TMOD2: variants seen among roughly 807,000 people sequenced by gnomAD.
TMOD2 encodes the protein tropomodulin-2.
In TMOD2, 22 loss-of-function variants were observed where a neutral mutation model predicts 39.9. That is an observed-to-expected ratio of 0.55 (90% CI 0.39 to 0.79). The LOEUF is 0.79. Among genes scored for constraint, TMOD2 ranks in the 30% least tolerant of loss-of-function variants. The probability of loss-of-function intolerance (pLI) is 0.00; values close to 1 mark genes in which losing one functional copy is unlikely to be tolerated. For missense variants in TMOD2, 386 were observed against 413.3 expected, an observed-to-expected ratio of 0.93 and a Z score of 0.57; for synonymous variants, 123 against 146.1, an observed-to-expected ratio of 0.84 and a Z score of 1.14.
intron 7 of TMOD2, among the ~76,000 whole-genome samples, chr15:51,793,501 A>G (rs1161208142): frequency 1.3e-5 from 2 of 152,206 alleles, no homozygotes; most frequent in Admixed American, 1.3e-4. Flanking sequence ...AGAAATTTGC[A>G]TTTCCATACA....
intron 9 of TMOD2, among the ~76,000 whole-genome samples, chr15:51,806,851 G>A (rs1026018114): frequency 4.6e-5 from 7 of 152,176 alleles, no homozygotes; most frequent in African/African-American, 1.7e-4. Context: ...ATGGGCACAA[G>A]GACACTGAGA....
chr15:51,791,887 T>C (rs2056014810), intron 7 of TMOD2, among the ~76,000 whole-genome samples: 1 of 152,186 alleles, frequency 6.6e-6, no homozygotes, highest in Non-Finnish European at 1.5e-5. Context: ...ATGTAAGACC[T>C]AGGACCACAA....
chr15:51,757,605 C>T (rs971807226), intron 1 of TMOD2, among the ~76,000 whole-genome samples: 11 of 152,138 alleles, frequency 7.2e-5, no homozygotes, highest in African/African-American at 2.7e-4. Flanking sequence ...TGCTTCACTC[C>T]AGCATGTACA....
chr15:51,798,158 T>G, intron 7 of TMOD2, 39 bp from the exon 8 acceptor site: 1 of 1,546,622 alleles, frequency 6.5e-7, no homozygotes, highest in Non-Finnish European at 8.7e-7. Context: ...TTAGAAATTC[T>G]AACTTAATTC....
chr15:51,777,546 T>C (rs1045863999), intron 5 of TMOD2, among the ~76,000 whole-genome samples: 2 of 152,202 alleles, frequency 1.3e-5, no homozygotes, highest in African/African-American at 4.8e-5. Context: ...CACCACTATC[T>C]TCTATGTCAA....
intron 7 of TMOD2, chr15:51,784,827 A>G (rs941501547): frequency 2.6e-5 from 4 of 152,204 alleles, no homozygotes. Flanking sequence ...TAAAGAAATG[A>G]TTTGTCACTT....
In TMOD2 at chr15:51,810,037, C is replaced by G. The variant is rs1409698538; in HGVS notation, c.*1583C>G. On this transcript the variant is annotated 3_prime_UTR_variant, in exon 10 of 10. Coordinates refer to ENST00000249700, the MANE Select transcript of TMOD2 (RefSeq NM_014548.4). ...AAATTTTTTTAATGTTTGAGAACAC[C>G]ATAAGCAGAATATTCTAACACCTTT... is the stretch of plus-strand genomic sequence containing the variant. 1 of 151,972 alleles carries G rather than the reference C, an allele frequency of 6.6e-6. No homozygotes were observed. The highest frequency in any genetic ancestry group is 1.5e-5 in the Non-Finnish European group (1 of 68,016). The allele number at this position is 151,972 out of a possible 1,614,324, so 9.4% of individuals were successfully genotyped here. A position where few individuals can be genotyped will look rare whatever the true frequency, so the allele number is the denominator to read the frequency against.
intron 3 of TMOD2, among the ~76,000 whole-genome samples, chr15:51,773,409 G>T (rs987526459): frequency 4.6e-5 from 7 of 152,210 alleles, no homozygotes; most frequent in Non-Finnish European, 8.8e-5. Context: ...GGCCTCTCCT[G>T]CCCAGACCCA....
chr15:51,784,305 C>A (rs958473961), intron 7 of TMOD2: 1 of 152,196 alleles, frequency 6.6e-6, no homozygotes, highest in African/African-American at 2.4e-5. Context: ...ATGCTCAGCC[C>A]TTGAATCGAG....
Position 51,781,167 on chromosome 15 carries a change from A to G in TMOD2, c.617A>G (p.Asn206Ser), listed in dbSNP as rs781752761. The G allele has an allele frequency of 3.1e-6, 5 of 1,602,652 alleles. No individual in the cohort carries two copies. Among genetic ancestry groups the G allele is most frequent in the Non-Finnish European group, 4.2e-6 (5 of 1,177,076 alleles). ...AGCTTGCAAGAAGTCAACCTCAACA[A>G]CATTAAGGTATTTCATTGTGATTAT... ...DPSLQEVNLN[N>S]IKNIPIPTLR... is the part of the protein sequence containing the mutation. Residue 206 changes from asparagine to serine, a missense_variant, in exon 6 of 10, where the codon AAC becomes AGC. Asn to Ser is a conservative substitution (Grantham distance 46). Coordinates refer to ENST00000249700, the MANE Select transcript of TMOD2 (RefSeq NM_014548.4).
chr15:51,793,576 C>T (rs1444859788), intron 7 of TMOD2, among the ~76,000 whole-genome samples: 2 of 152,210 alleles, frequency 1.3e-5, no homozygotes, highest in Non-Finnish European at 2.9e-5. Context: ...ACTTCAATTA[C>T]ATTTAAAACA....
In TMOD2 at chr15:51,809,001, C is replaced by G. The variant is rs1192735473; in HGVS notation, c.*547C>G. On this transcript the variant is annotated 3_prime_UTR_variant, in exon 10 of 10. Coordinates refer to ENST00000249700, the MANE Select transcript of TMOD2 (RefSeq NM_014548.4). ...AGAAAAATCAGTAAATGCACATGCCCTGTTGATTGGAGATCAGTAGTGTCA... is the reference window on the plus strand; with the variant it reads ...AGAAAAATCAGTAAATGCACATGCCGTGTTGATTGGAGATCAGTAGTGTCA... The G allele has an allele frequency of 6.6e-6, 1 of 152,640 alleles. No homozygotes were observed. Among genetic ancestry groups the G allele is most frequent in the Non-Finnish European group, 1.5e-5 (1 of 68,122 alleles). 9.5% of individuals were successfully genotyped at this position (152,640 alleles called of 1,614,324 possible). A position where few individuals can be genotyped will look rare whatever the true frequency, so the allele number is the denominator to read the frequency against.
Position 51,815,977 on chromosome 15 carries a change from G to A in TMOD2, c.*7523G>A, listed in dbSNP as rs568969814. On this transcript the variant is annotated 3_prime_UTR_variant, in exon 10 of 10. Transcript: ENST00000249700. ...GGGCTAAGCAGTTATTGAAAACTCCGCATAGTTTTATTTTCCATTTGAAAC... is the reference window on the plus strand; with the variant it reads ...GGGCTAAGCAGTTATTGAAAACTCCACATAGTTTTATTTTCCATTTGAAAC... 2.6e-5 allele frequency: 4 copies of A among 152,220 alleles called. No individual in the cohort carries two copies. The highest frequency in any genetic ancestry group is 4.1e-4 in the South Asian group (2 of 4,826). 9.4% of individuals were successfully genotyped at this position (152,220 alleles called of 1,614,324 possible).
rs2056153189 is a variant in TMOD2 at position 51,810,972 on chromosome 15, A to G, written c.*2518A>G. On this transcript the variant is annotated 3_prime_UTR_variant, in exon 10 of 10. Coordinates refer to ENST00000249700, the MANE Select transcript of TMOD2 (RefSeq NM_014548.4). ...TATTAAAGCAAGATAATGGGACATTATCAAAAATATAGCACTGTTTTTACC... is the reference window on the plus strand; with the variant it reads ...TATTAAAGCAAGATAATGGGACATTGTCAAAAATATAGCACTGTTTTTACC... The G allele has an allele frequency of 6.6e-6, 1 of 152,228 alleles. No individual in the cohort carries two copies. Among genetic ancestry groups the G allele is most frequent in the Non-Finnish European group, 1.5e-5 (1 of 68,042 alleles). 9.4% of individuals were successfully genotyped at this position (152,228 alleles called of 1,614,324 possible).
intron 1 of TMOD2, among the ~76,000 whole-genome samples, chr15:51,764,526 T>TA (rs564993330): frequency 6.6e-6 from 1 of 152,084 alleles, no homozygotes; most frequent in Non-Finnish European, 1.5e-5. Flanking sequence ...TTTGAACTCA[T>TA]AAAAAAAGAT....
At chr15:51,777,085 G>A in intron 5 of TMOD2, 67 bp downstream of exon 5, 1 of 1,341,072 alleles carries the variant, frequency 7.5e-7, no homozygotes, top group Non-Finnish European at 1.1e-6. Flanking sequence ...GTAGGAGAGA[G>A]GCCTGTTGAG....
At chr15:51,756,557 C>G (rs974846187) in intron 1 of TMOD2, 1 of 152,222 alleles carries the variant, frequency 6.6e-6, no homozygotes, top group Non-Finnish European at 1.5e-5. Context: ...ACCATCAGAC[C>G]TTGGGTTGGT....
chr15:51,758,572 T>G (rs1273759877), intron 1 of TMOD2, among the ~76,000 whole-genome samples: 1 of 152,206 alleles, frequency 6.6e-6, no homozygotes, highest in African/African-American at 2.4e-5. Context: ...CTACTTCAGA[T>G]CAAGAACTGT....
chr15:51,759,869 T>TA, intron 1 of TMOD2, among the ~76,000 whole-genome samples: 1 of 152,186 alleles, frequency 6.6e-6, no homozygotes, highest in Non-Finnish European at 1.5e-5. Flanking sequence ...AAGGAACCCT[T>TA]ACCACCCAAG....
Sources: gnomAD v4.1 joint callset for allele counts (sites outside exome capture counted in the v4.1 genomes callset) on GRCh38, gnomAD v4.1.1 for gene constraint, MANE v1.5 for transcripts, NCBI Gene and HGNC (gene_info 2026-07-23, HGNC 2026-07-21) for gene names.